SLCO5A1: variants seen among roughly 807,000 people sequenced by gnomAD.
The protein encoded by SLCO5A1 is organic anion transporter polypeptide-related protein 4.
A neutral mutation model predicts 65.1 loss-of-function variants in SLCO5A1; 39 were observed. That is an observed-to-expected ratio of 0.60 (90% confidence interval 0.46 to 0.78). The LOEUF (loss-of-function observed/expected upper bound fraction) is 0.78, where lower values mean the gene tolerates loss of function less well. SLCO5A1 is among the 30% of genes least tolerant of loss of function. The pLI is 0.00. For missense variants in SLCO5A1, 1,029 were observed against 1,069.4 expected (o/e 0.96, Z 0.53); for synonymous variants, 438 against 415.7 (o/e 1.05, Z -0.65).
At chr8:69,716,584 T>A (rs2933036) in intron 5 of SLCO5A1, among the ~76,000 whole-genome samples, 10,990 of 152,320 alleles carry the variant, frequency 0.072, 502 homozygotes, top group Non-Finnish European at 0.09. Context: ...AGGTTGAGCA[T>A]CTTTCCATGT....
intron 9 of SLCO5A1, among the ~76,000 whole-genome samples, chr8:69,674,547 C>T (rs1813468318): frequency 6.6e-6 from 1 of 152,092 alleles, no homozygotes; most frequent in Non-Finnish European, 1.5e-5. Flanking sequence ...CCCAACTAGA[C>T]TTTTTCACAA....
At chr8:69,740,196 C>G (rs946661209) in intron 4 of SLCO5A1, among the ~76,000 whole-genome samples, 4 of 152,216 alleles carry the variant, frequency 2.6e-5, no homozygotes, top group Admixed American at 1.3e-4. Flanking sequence ...CTTTCTTCTA[C>G]CTTTCTCATT....
chr8:69,683,001 A>G (rs1813848235), intron 6 of SLCO5A1, among the ~76,000 whole-genome samples: 1 of 152,164 alleles, frequency 6.6e-6, no homozygotes, highest in South Asian at 2.1e-4. Context: ...TGGATCCACA[A>G]TCAAATATGG....
At chr8:69,763,778 A>T (rs139146912) in intron 2 of SLCO5A1, among the ~76,000 whole-genome samples, 6 of 152,188 alleles carry the variant, frequency 3.9e-5, no homozygotes, top group Non-Finnish European at 5.9e-5. Flanking sequence ...TTAAGATAGG[A>T]TATGGAATTC....
chr8:69,782,947 C>T (rs1818862089), intron 2 of SLCO5A1, among the ~76,000 whole-genome samples: 1 of 151,836 alleles, frequency 6.6e-6, no homozygotes, highest in Admixed American at 6.6e-5. Flanking sequence ...CTATCAGGGA[C>T]TGGCTCTGTG....
intron 2 of SLCO5A1, among the ~76,000 whole-genome samples, chr8:69,764,044 T>C (rs1817935202): frequency 6.6e-6 from 1 of 152,172 alleles, no homozygotes; most frequent in South Asian, 2.1e-4. Flanking sequence ...TTTGTATTTT[T>C]AGTAGAGACA....
At chr8:69,730,299 A>G (rs1193638800) in intron 5 of SLCO5A1, among the ~76,000 whole-genome samples, 2 of 152,222 alleles carry the variant, frequency 1.3e-5, no homozygotes, top group South Asian at 2.1e-4. Context: ...TACTACAAAT[A>G]CCAGAGTGAT....
intron 5 of SLCO5A1, among the ~76,000 whole-genome samples, chr8:69,736,241 TG>T (rs1374332882): frequency 1.3e-5 from 2 of 152,236 alleles, no homozygotes; most frequent in Non-Finnish European, 2.9e-5. Flanking sequence ...CACACTGCTG[TG>T]GAAGTCTGCA....
intron 9 of SLCO5A1, among the ~76,000 whole-genome samples, chr8:69,674,873 A>AC (rs995668875): frequency 4.4e-4 from 60 of 136,706 alleles, no homozygotes; most frequent in African/African-American, 6.0e-4. Context: ...AAAAAAACAA[A>AC]AAAAAAAAAT....
intron 4 of SLCO5A1, among the ~76,000 whole-genome samples, chr8:69,746,230 GAA>G (rs1309128879): frequency 6.6e-6 from 1 of 151,632 alleles, no homozygotes; most frequent in East Asian, 1.9e-4. Flanking sequence ...GAAAAAGAAA[GAA>G]AAATAAAAAA....
rs569091813 is a variant in SLCO5A1 at position 69,832,467 on chromosome 8, G to A, written c.207C>T (p.His69=). The change falls in exon 2 of 10, where the codon CAC becomes CAT. Residue 69 remains histidine, a synonymous_variant. Coordinates refer to ENST00000260126, the MANE Select transcript of SLCO5A1 (RefSeq NM_030958.3). The surrounding 1 kb of genome is among the most constrained non-coding windows in gnomAD (Gnocchi z 4.5). ...GGTTCGGGCCTTGCTTCAACTCCTGGTGGCCCGAAGAATCCACACAGCCAA... is the reference window on the plus strand; with the variant it reads ...GGTTCGGGCCTTGCTTCAACTCCTGATGGCCCGAAGAATCCACACAGCCAA... The part of the protein sequence containing the change: ...PAFGCVDSSG[H]QELKQGPNPL... The A allele has an allele frequency of 1.2e-6, 2 of 1,613,010 alleles. No individual in the cohort carries two copies. Among genetic ancestry groups the A allele is most frequent in the Admixed American group, 1.7e-5 (1 of 59,814 alleles).
chr8:69,755,743 CT>C lies in SLCO5A1; in HGVS notation c.1041-103del. On this transcript the variant is annotated intron_variant, in intron 3 of 9. Transcript: ENST00000260126. ...TGTGGTGAAAAAATTTTGAAGAAAA[CT>C]TTTTGTAATCAACTGTAAAGCAGTA... The C allele has an allele frequency of 3.0e-6, 3 of 1,009,594 alleles. 1 individual carries two copies. Among genetic ancestry groups the C allele is most frequent in the Admixed American group, 5.6e-5 (2 of 35,438 alleles). The allele number at this position is 1,009,594 out of a possible 1,614,324, so 62.5% of individuals were successfully genotyped here.
intron 8 of SLCO5A1, among the ~76,000 whole-genome samples, chr8:69,677,873 T>C (rs1248657951): frequency 1.3e-5 from 2 of 152,218 alleles, no homozygotes; most frequent in African/African-American, 4.8e-5. Flanking sequence ...AAGAACTGAC[T>C]CCCTTTCTTC....
chr8:69,706,241 C>T (rs1234449995), intron 5 of SLCO5A1, among the ~76,000 whole-genome samples: 1 of 152,172 alleles, frequency 6.6e-6, no homozygotes, highest in Admixed American at 6.5e-5. Flanking sequence ...AACTAAACAG[C>T]ATTGTCTGGG....
chr8:69,667,189 T>TAAAAAAAAAAA lies in SLCO5A1; in HGVS notation c.*5679_*5680insTTTTTTTTTTT. 1 of 152,304 alleles carries TAAAAAAAAAAA rather than the reference T, an allele frequency of 6.6e-6. No homozygotes were observed. The highest frequency in any genetic ancestry group is 1.9e-4 in the East Asian group (1 of 5,180). The allele number at this position is 152,304 out of a possible 1,614,324, so 9.4% of individuals were successfully genotyped here. ...AAATTATACATCTTTTAAATTACCT[T>TAAAAAAAAAAA]AAAAAGTCTCCAAATGAATATCATT... On this transcript the variant is annotated 3_prime_UTR_variant, in exon 10 of 10. Transcript: ENST00000260126.
At chr8:69,726,847 T>G (rs1238038406) in intron 5 of SLCO5A1, among the ~76,000 whole-genome samples, 1 of 152,152 alleles carries the variant, frequency 6.6e-6, no homozygotes, top group Non-Finnish European at 1.5e-5. Context: ...TTAAAATCCA[T>G]TCCCTCCAGA....
intron 3 of SLCO5A1, among the ~76,000 whole-genome samples, chr8:69,759,210 T>C (rs1317315992): frequency 3.3e-5 from 5 of 152,196 alleles, no homozygotes; most frequent in African/African-American, 1.2e-4. Flanking sequence ...TCGTATAAAA[T>C]AACATTGCAT....
intron 2 of SLCO5A1, among the ~76,000 whole-genome samples, chr8:69,788,107 T>C (rs1362925906): frequency 6.6e-6 from 1 of 152,076 alleles, no homozygotes; most frequent in African/African-American, 2.4e-5. Context: ...AAGAAAAAAA[T>C]CACACAATTT....
At chr8:69,828,580 C>T (rs1396894899) in intron 2 of SLCO5A1, among the ~76,000 whole-genome samples, 5 of 149,738 alleles carry the variant, frequency 3.3e-5, no homozygotes, top group African/African-American at 9.9e-5. Flanking sequence ...CCAGCCTGGG[C>T]GACAGAGCGA....
Sources: allele counts gnomAD v4.1 joint callset (sites outside exome capture counted in the v4.1 genomes callset), GRCh38; gene constraint gnomAD v4.1.1; non-coding constraint Gnocchi (gnomAD v3.1); transcripts MANE v1.5; gene names NCBI Gene and HGNC (gene_info 2026-07-23, HGNC 2026-07-21).